Variants in PPM1H observed in about 807,000 individuals in gnomAD.
PPM1H encodes the protein protein phosphatase 1H.
In PPM1H, 27 loss-of-function variants were observed where a neutral mutation model predicts 54.9. That is an observed-to-expected ratio of 0.49 (90% CI 0.36 to 0.68). PPM1H has a LOEUF of 0.68. Among genes scored for constraint, PPM1H ranks in the 30% least tolerant of loss-of-function variants. The pLI, the probability that PPM1H is intolerant of heterozygous loss-of-function variation, is 0.00. For missense variants in PPM1H, 596 were observed against 667.8 expected, an observed-to-expected ratio of 0.89 and a Z score of 1.19; for synonymous variants, 305 against 270.8, an observed-to-expected ratio of 1.13 and a Z score of -1.24.
At chr12:62,794,932 G>C (rs2076723493) in intron 3 of PPM1H, among the ~76,000 whole-genome samples, 1 of 152,150 alleles carries the variant, frequency 6.6e-6, no homozygotes, top group Non-Finnish European at 1.5e-5. Flanking sequence ...TGGTCCTTTA[G>C]GAAGCCATGG....
At chr12:62,776,560 T>G (rs2076612472) in intron 4 of PPM1H, among the ~76,000 whole-genome samples, 1 of 152,230 alleles carries the variant, frequency 6.6e-6, no homozygotes, top group Non-Finnish European at 1.5e-5. Context: ...GAACCATACT[T>G]GTGCTTTAAG....
intron 1 of PPM1H, among the ~76,000 whole-genome samples, chr12:62,883,652 G>A (rs1870476439): frequency 6.6e-6 from 1 of 152,134 alleles, no homozygotes; most frequent in Non-Finnish European, 1.5e-5. Flanking sequence ...AAGCAAGAAA[G>A]CCTAGATTCT....
chr12:62,655,737 T>G (rs1469621659), intron 9 of PPM1H, among the ~76,000 whole-genome samples: 2 of 152,112 alleles, frequency 1.3e-5, no homozygotes, highest in Non-Finnish European at 2.9e-5. Context: ...CTGGAAGCTG[T>G]GTGTGGAGCA....
intron 4 of PPM1H, among the ~76,000 whole-genome samples, chr12:62,777,401 G>A (rs892657344): frequency 6.6e-6 from 1 of 152,184 alleles, no homozygotes; most frequent in African/African-American, 2.4e-5. Flanking sequence ...CTACTTCACG[G>A]TAGCTTCCCC....
chr12:62,747,140 T>C (rs955137152), intron 4 of PPM1H, among the ~76,000 whole-genome samples: 3 of 80,880 alleles, frequency 3.7e-5, no homozygotes, highest in African/African-American at 2.2e-4. Context: ...AGGTTTTTTT[T>C]CTTTTTTTTT....
intron 9 of PPM1H, among the ~76,000 whole-genome samples, chr12:62,657,542 G>C (rs965761524): frequency 1.4e-4 from 21 of 152,124 alleles, no homozygotes; most frequent in African/African-American, 5.1e-4. Context: ...GAAAACTGCA[G>C]ATTTTTATCT....
chr12:62,917,095 C>T (rs1871648570), intron 1 of PPM1H, among the ~76,000 whole-genome samples: 1 of 152,210 alleles, frequency 6.6e-6, no homozygotes, highest in Non-Finnish European at 1.5e-5. Context: ...TTTTCAAAAC[C>T]AAACCTCAAG....
intron 6 of PPM1H, among the ~76,000 whole-genome samples, chr12:62,713,965 C>CT (rs2076221838): frequency 6.6e-6 from 1 of 151,628 alleles, no homozygotes; most frequent in Admixed American, 6.6e-5. Context: ...GAGACCCTGT[C>CT]TTTAAAAAAA....
intron 3 of PPM1H, among the ~76,000 whole-genome samples, chr12:62,789,732 G>A (rs771519494): frequency 6.6e-6 from 1 of 152,218 alleles, no homozygotes; most frequent in Non-Finnish European, 1.5e-5. Flanking sequence ...TACCTGGCTA[G>A]AGTCTGGATT....
At position 62,837,820 on chromosome 12, in the gene PPM1H, C is replaced by T. The variant is rs373367757; in HGVS notation, c.246-5541G>A. ...GACCCAAGGATGTTATCCAGCCATG[C>T]GAGTTAGAGGAGCATCTCCTCCTTT... is the stretch of plus-strand genomic sequence containing the variant. On this transcript the variant is annotated intron_variant, in intron 1 of 9. Transcript: ENST00000228705. Among the ~76,000 whole-genome samples, 6 of 152,310 alleles carry T rather than the reference C, an allele frequency of 3.9e-5. No individual in the cohort carries two copies. In the East Asian group the frequency reaches 7.7e-4, roughly 20 times the overall value.
At chr12:62,924,898 C>G (rs561405069) in intron 1 of PPM1H, among the ~76,000 whole-genome samples, 1 of 152,230 alleles carries the variant, frequency 6.6e-6, no homozygotes, top group East Asian at 1.9e-4. Context: ...AAAAAATTAG[C>G]CAGGTGTGGT....
At chr12:62,789,111 G>T (rs978840924) in intron 3 of PPM1H, among the ~76,000 whole-genome samples, 1 of 152,138 alleles carries the variant, frequency 6.6e-6, no homozygotes, top group African/African-American at 2.4e-5. Flanking sequence ...GACCTCCTGG[G>T]CTCAAGCCTC....
chr12:62,853,503 T>C (rs1239211708), intron 1 of PPM1H, among the ~76,000 whole-genome samples: 1 of 152,108 alleles, frequency 6.6e-6, no homozygotes, highest in Non-Finnish European at 1.5e-5. Context: ...ATATCAAGAA[T>C]GGGAGGAGTT....
At chr12:62,668,405 T>C (rs1000934856) in intron 8 of PPM1H, among the ~76,000 whole-genome samples, 2 of 152,224 alleles carry the variant, frequency 1.3e-5, no homozygotes, top group African/African-American at 2.4e-5. Flanking sequence ...ACGGAGTCTC[T>C]CACTGTGTTG....
At chr12:62,704,389 T>G (rs919204034) in intron 6 of PPM1H, among the ~76,000 whole-genome samples, 1 of 152,194 alleles carries the variant, frequency 6.6e-6, no homozygotes, top group African/African-American at 2.4e-5. Flanking sequence ...TTGGGGGTCA[T>G]ATTTTGGCTC....
intron 8 of PPM1H, among the ~76,000 whole-genome samples, chr12:62,687,455 G>C (rs2076059376): frequency 6.6e-6 from 1 of 151,992 alleles, no homozygotes; most frequent in South Asian, 2.1e-4. Flanking sequence ...GTAAGAACAA[G>C]GGTCCTGCTA....
intron 4 of PPM1H, among the ~76,000 whole-genome samples, chr12:62,772,328 A>T (rs2076583992): frequency 6.6e-6 from 1 of 152,200 alleles, no homozygotes; most frequent in Non-Finnish European, 1.5e-5. Context: ...ATTCAAACTC[A>T]GGCCCACGTG....
In PPM1H at chr12:62,667,244, G is replaced by A; in HGVS notation, c.1331C>T (p.Ser444Leu). ...LATDGLWDVL[S>L]NEEVAEAITQ... ...GATTGCTTCTGCTACTTCTTCATTT[G>A]ATAAAACGTCCCAGAGTCCATCAGT... is the stretch of plus-strand genomic sequence containing the variant. The change falls in exon 9 of 10, where the codon TCA (serine) becomes TTA (leucine). Residue 444 changes from serine (S) to leucine (L), a missense_variant. By Grantham distance (145) the Ser-to-Leu change is moderately radical. This residue lies in a region of PPM1H where 208 missense variants were observed against 259.5 expected (regional missense o/e 0.80). Coordinates refer to ENST00000228705, the MANE Select transcript of PPM1H (RefSeq NM_020700.2). 1.3e-6 allele frequency: 2 copies of A among 1,599,848 alleles called. No individual in the cohort carries two copies. Among genetic ancestry groups the A allele is most frequent in the Non-Finnish European group, 1.7e-6 (2 of 1,167,332 alleles).
At chr12:62,809,827 C>A (rs1407888212) in intron 2 of PPM1H, among the ~76,000 whole-genome samples, 1 of 152,178 alleles carries the variant, frequency 6.6e-6, no homozygotes, top group Non-Finnish European at 1.5e-5. Flanking sequence ...CTGAACTTCT[C>A]TCATTTCCTC....
Sources: gnomAD v4.1 joint callset for allele counts (sites outside exome capture counted in the v4.1 genomes callset) on GRCh38, gnomAD v4.1.1 for gene constraint, gnomAD v4.1.1 regional missense constraint, MANE v1.5 for transcripts, NCBI Gene and HGNC (gene_info 2026-07-23, HGNC 2026-07-21) for gene names.